The following MAMDC2 variants were observed in gnomAD, a reference collection of about 807,000 sequenced individuals.
MAMDC2 encodes MAM domain-containing protein 2.
In MAMDC2, 57 loss-of-function variants were observed where a neutral mutation model predicts 89.8. That is an observed-to-expected ratio of 0.63 (90% confidence interval 0.51 to 0.79). The LOEUF (loss-of-function observed/expected upper bound fraction) is 0.79. Ranked by LOEUF, MAMDC2 falls within the 30% of genes least tolerant of loss-of-function variation. The pLI is 0.00. For synonymous variants in MAMDC2, 313 were observed against 293.4 expected (o/e 1.07, Z -0.68); for missense variants, 800 against 820.6 (o/e 0.97, Z 0.31).
intron 11 of MAMDC2, among the ~76,000 whole-genome samples, chr9:70,180,195 A>T (rs2032609969): frequency 6.6e-6 from 1 of 152,124 alleles, no homozygotes; most frequent in African/African-American, 2.4e-5. Flanking sequence ...ACATGAACTC[A>T]TTCTTTTTTA....
At chr9:70,159,805 T>A (rs2031901270) in intron 9 of MAMDC2, among the ~76,000 whole-genome samples, 2 of 152,240 alleles carry the variant, frequency 1.3e-5, no homozygotes, top group Admixed American at 1.3e-4. Context: ...AGGGCAGTGT[T>A]TGACCAGGAG....
intron 5 of MAMDC2, 67 bp from the exon 6 acceptor site, chr9:70,126,092 C>A (rs187919071): frequency 6.8e-7 from 1 of 1,468,946 alleles, no homozygotes; most frequent in East Asian, 2.3e-5. Context: ...CACACCATTT[C>A]GCCTGAACCT....
intron 11 of MAMDC2, among the ~76,000 whole-genome samples, chr9:70,202,846 A>C (rs2033132654): frequency 6.7e-6 from 1 of 150,198 alleles, no homozygotes; most frequent in Non-Finnish European, 1.5e-5. Context: ...TGTTGGTTTA[A>C]AGTCTGTTTT....
intron 11 of MAMDC2, among the ~76,000 whole-genome samples, chr9:70,197,850 G>C (rs907940179): frequency 6.6e-6 from 1 of 152,048 alleles, no homozygotes; most frequent in Non-Finnish European, 1.5e-5. Context: ...ATCAGATGCT[G>C]CTCCTTCTGA....
intron 9 of MAMDC2, among the ~76,000 whole-genome samples, chr9:70,146,558 A>T (rs1361426204): frequency 6.6e-6 from 1 of 152,200 alleles, no homozygotes; most frequent in African/African-American, 2.4e-5. Flanking sequence ...AGGTAGAAAT[A>T]AACATACAAA....
intron 11 of MAMDC2, among the ~76,000 whole-genome samples, chr9:70,209,146 A>C (rs144715558): frequency 0.016 from 2,417 of 152,330 alleles, 68 homozygotes; most frequent in African/African-American, 0.055. Flanking sequence ...TGGCCTCATA[A>C]AATGAATTAG....
rs574714894 is a variant in MAMDC2 at position 70,107,483 on chromosome 9, A to G, written c.149-728A>G. Among the ~76,000 whole-genome samples, 6 of 152,152 alleles carry G rather than the reference A, an allele frequency of 3.9e-5. No homozygotes were observed. The East Asian group carries it at 1.2e-3, about 29-fold the overall frequency. ...TGAGGATAGAGGAGAAGGAAGGACA[A>G]TTGCTAGTCCCAGAGTGTCCAGTGC... On this transcript the variant is annotated intron_variant, in intron 2 of 13. Transcript: ENST00000377182.
intron 2 of MAMDC2, among the ~76,000 whole-genome samples, chr9:70,100,765 A>G (rs546715933): frequency 6.6e-6 from 1 of 152,336 alleles, no homozygotes; most frequent in African/African-American, 2.4e-5. Flanking sequence ...AGGGCCAATT[A>G]AAGTGAAACG....
At chr9:70,128,687 C>A (rs944700891) in intron 6 of MAMDC2, among the ~76,000 whole-genome samples, 1 of 152,078 alleles carries the variant, frequency 6.6e-6, no homozygotes, top group Admixed American at 6.5e-5. Flanking sequence ...AACAGGGTCT[C>A]ACTCTGTCAC....
At chr9:70,109,532 C>CAT (rs1388927698) in intron 3 of MAMDC2, among the ~76,000 whole-genome samples, 188 bp from the exon 4 acceptor site, 5 of 152,312 alleles carry the variant, frequency 3.3e-5, no homozygotes, top group Admixed American at 2.6e-4. Context: ...CATGCACACA[C>CAT]ATATATACAC....
At chr9:70,164,920 G>T (rs1289980446) in intron 9 of MAMDC2, among the ~76,000 whole-genome samples, 1 of 150,610 alleles carries the variant, frequency 6.6e-6, no homozygotes. Context: ...GATTATAGAT[G>T]TGAGCCTATA....
intron 2 of MAMDC2, among the ~76,000 whole-genome samples, chr9:70,045,609 C>T (rs377730616): frequency 5.9e-5 from 9 of 152,296 alleles, no homozygotes; most frequent in African/African-American, 1.4e-4. Flanking sequence ...CCTCCCACCT[C>T]GCTCCCTGGG....
intron 11 of MAMDC2, among the ~76,000 whole-genome samples, chr9:70,214,624 T>C (rs1394692577): frequency 1.3e-5 from 2 of 152,056 alleles, no homozygotes; most frequent in Admixed American, 1.3e-4. Context: ...TGAGATGAGA[T>C]TGCAGGGGAC....
At chr9:70,066,828 A>G (rs187168711) in intron 2 of MAMDC2, among the ~76,000 whole-genome samples, 1 of 152,346 alleles carries the variant, frequency 6.6e-6, no homozygotes, top group Admixed American at 6.5e-5. Context: ...TATTAAGGAT[A>G]TATTTGAAGA....
intron 5 of MAMDC2, among the ~76,000 whole-genome samples, chr9:70,119,859 C>T (rs901103425): frequency 1.3e-5 from 2 of 152,286 alleles, no homozygotes; most frequent in Admixed American, 6.5e-5. Flanking sequence ...TTTCACTTGC[C>T]TCTTGCTATT....
intron 2 of MAMDC2, among the ~76,000 whole-genome samples, chr9:70,054,184 G>A (rs1404915417): frequency 3.9e-5 from 6 of 152,138 alleles, no homozygotes; most frequent in Non-Finnish European, 8.8e-5. Context: ...GTATAGTCTG[G>A]GCAGGAGTAT....
intron 11 of MAMDC2, among the ~76,000 whole-genome samples, chr9:70,216,008 T>G (rs1404828118): frequency 6.6e-6 from 1 of 152,238 alleles, no homozygotes; most frequent in Non-Finnish European, 1.5e-5. Flanking sequence ...ATGTCTCGAT[T>G]GCCATATTTT....
At chr9:70,204,778 G>A (rs2033185143) in intron 11 of MAMDC2, among the ~76,000 whole-genome samples, 1 of 152,152 alleles carries the variant, frequency 6.6e-6, no homozygotes, top group Non-Finnish European at 1.5e-5. Context: ...TTTTAAGCCG[G>A]TCTGAAAAGA....
intron 2 of MAMDC2, among the ~76,000 whole-genome samples, chr9:70,047,955 G>T: frequency 6.6e-6 from 1 of 152,158 alleles, no homozygotes; most frequent in East Asian, 1.9e-4. Context: ...TTTAAAATAT[G>T]CTTTATCTCC....
Sources: gnomAD v4.1 joint callset for allele counts (sites outside exome capture counted in the v4.1 genomes callset) on GRCh38, gnomAD v4.1.1 for gene constraint, MANE v1.5 for transcripts, NCBI Gene and HGNC (gene_info 2026-07-23, HGNC 2026-07-21) for gene names.